The following METTL8 variants were observed in gnomAD, a reference collection of about 807,000 sequenced individuals.
METTL8 encodes methyltransferase 8, tRNA N3-cytidine.
In METTL8, 32 loss-of-function variants were observed where a neutral mutation model predicts 48.7. The ratio of observed to expected loss-of-function variants is 0.66; its 90% CI spans 0.50 to 0.88. The LOEUF (loss-of-function observed/expected upper bound fraction) is 0.88, where lower values mean the gene tolerates loss of function less well. Ranked by LOEUF, METTL8 falls within the 40% of genes least tolerant of loss-of-function variation. The pLI, the probability that METTL8 is intolerant of heterozygous loss-of-function variation, is 0.00. For missense variants in METTL8, 464 were observed against 474.4 expected, an observed-to-expected ratio of 0.98 and a Z score of 0.20; for synonymous variants, 136 against 157.1, an observed-to-expected ratio of 0.87 and a Z score of 1.01.
intron 1 of METTL8, among the ~76,000 whole-genome samples, chr2:171,394,569 T>C (rs189879105): frequency 6.6e-6 from 1 of 152,272 alleles, no homozygotes; most frequent in East Asian, 1.9e-4. Context: ...GGTCTAAATA[T>C]GTGGCAATTT....
intron 3 of METTL8, among the ~76,000 whole-genome samples, chr2:171,340,252 C>T (rs1408113620): frequency 6.7e-6 from 1 of 148,968 alleles, no homozygotes; most frequent in African/African-American, 2.5e-5. Flanking sequence ...CCTGTAATCC[C>T]AGCACTTTGG....
At chr2:171,366,955 A>G (rs1454721552) in intron 2 of METTL8, among the ~76,000 whole-genome samples, 3 of 152,110 alleles carry the variant, frequency 2.0e-5, no homozygotes, top group South Asian at 2.1e-4. Context: ...TGGGTCAGTA[A>G]ACTTAATGAC....
chr2:171,377,563 A>G (rs1298709865), intron 2 of METTL8, among the ~76,000 whole-genome samples: 1 of 152,198 alleles, frequency 6.6e-6, no homozygotes, highest in Non-Finnish European at 1.5e-5. Flanking sequence ...TCCTGTCAAA[A>G]AGTGAGCAAA....
intron 1 of METTL8, among the ~76,000 whole-genome samples, chr2:171,398,065 G>T (rs2105583963): frequency 6.6e-6 from 1 of 152,214 alleles, no homozygotes; most frequent in South Asian, 2.1e-4. Context: ...TGATACAGCA[G>T]CTATGAAAAA....
chr2:171,426,231 G>C (rs1257072174), intron 1 of METTL8, among the ~76,000 whole-genome samples: 1 of 152,004 alleles, frequency 6.6e-6, no homozygotes, highest in African/African-American at 2.4e-5. Flanking sequence ...TAAATTAATT[G>C]TAATAAATTT....
At chr2:171,375,315 T>C in intron 2 of METTL8, 1 of 749,522 alleles carries the variant, frequency 1.3e-6, no homozygotes, top group Non-Finnish European at 2.4e-6. Flanking sequence ...GTTTATCTTT[T>C]AAAGAAACTG....
intron 5 of METTL8, among the ~76,000 whole-genome samples, chr2:171,335,065 G>A (rs1269641104): frequency 6.6e-6 from 1 of 152,150 alleles, no homozygotes; most frequent in East Asian, 1.9e-4. Flanking sequence ...AGAGACCACT[G>A]GGGTAAAGGA....
At position 171,316,818 on chromosome 2, in the gene METTL8, T is replaced by C. The variant is rs928873965; in HGVS notation, c.*7354A>G. 2.0e-4 allele frequency among the ~76,000 whole-genome samples: 30 copies of C among 152,248 alleles called. No homozygotes were observed. Among genetic ancestry groups the C allele is most frequent in the African/African-American group, 7.2e-4 (30 of 41,466 alleles). ...TTTCTTGTTTCAATGCAGCATGTGA[T>C]ACTGGCAATTTCAGCCATTCTCTTT... On this transcript the variant is annotated 3_prime_UTR_variant, in exon 10 of 10. Transcript: ENST00000375258.
At position 171,393,312 on chromosome 2, in the gene METTL8, G is replaced by A. The variant is rs1688757901; in HGVS notation, c.-12-1115C>T. Among the ~76,000 whole-genome samples the A allele has an allele frequency of 2.0e-5, 3 of 150,326 alleles. No individual in the cohort carries two copies. The South Asian group carries it at 6.3e-4, about 31-fold the overall frequency. On this transcript the variant is annotated intron_variant, in intron 1 of 9. Transcript: ENST00000375258. ...CACATCTGTGGTTCCAGCTACACGA[G>A]AGGCCAAGCCTAGAGGCTGAAGCTG...
intron 5 of METTL8, among the ~76,000 whole-genome samples, chr2:171,336,348 G>C (rs1403190325): frequency 2.0e-5 from 3 of 148,398 alleles, no homozygotes; most frequent in African/African-American, 7.5e-5. Flanking sequence ...GCCCGCCTTG[G>C]CCTCCCAAAG....
At chr2:171,341,040 AAAGT>A (rs1180496243) in intron 3 of METTL8, among the ~76,000 whole-genome samples, 1 of 151,576 alleles carries the variant, frequency 6.6e-6, no homozygotes, top group Admixed American at 6.6e-5. Flanking sequence ...TTAAATTAAT[AAAGT>A]AAGGGCCGGG....
intron 2 of METTL8, among the ~76,000 whole-genome samples, chr2:171,369,876 A>G (rs1258805754): frequency 4.6e-5 from 7 of 151,980 alleles, no homozygotes; most frequent in Non-Finnish European, 1.0e-4. Context: ...GACCAGTCTG[A>G]CCAACATGGT....
intron 3 of METTL8, among the ~76,000 whole-genome samples, chr2:171,356,606 C>T (rs1294894246): frequency 6.6e-6 from 1 of 152,080 alleles, no homozygotes; most frequent in East Asian, 1.9e-4. Flanking sequence ...AATCTATTCT[C>T]TATTTTCATA....
rs779945425 is a variant in METTL8, at chr2:171,360,514, C to G, written c.144-1G>C. 1 of 1,607,124 alleles carries G rather than the reference C, an allele frequency of 6.2e-7. No individual in the cohort carries two copies. Among genetic ancestry groups the G allele is most frequent in the African/African-American group, 1.3e-5 (1 of 74,378 alleles). ...TTCCTTAGACCACTGCATGTGATCC[C>G]TATTAAAAAAAAATAGACTGTAAAA... On this transcript the variant is annotated splice_acceptor_variant, in intron 2 of 9. Coordinates refer to ENST00000375258, the MANE Select transcript of METTL8 (RefSeq NM_001321154.2). LOFTEE classifies it high-confidence loss of function.
intron 3 of METTL8, among the ~76,000 whole-genome samples, chr2:171,356,568 C>T (rs1290784252): frequency 2.0e-5 from 3 of 152,092 alleles, no homozygotes; most frequent in South Asian, 2.1e-4. Context: ...CTTCACCCCC[C>T]ACCCCTTCCT....
At chr2:171,396,974 C>G (rs999361310) in intron 1 of METTL8, among the ~76,000 whole-genome samples, 20 of 150,892 alleles carry the variant, frequency 1.3e-4, no homozygotes, top group Non-Finnish European at 1.2e-4. Context: ...CAGGCATGTA[C>G]CACCACACCT....
intron 2 of METTL8, among the ~76,000 whole-genome samples, chr2:171,374,003 C>CAA (rs1686669510): frequency 6.6e-6 from 1 of 152,114 alleles, no homozygotes; most frequent in Admixed American, 6.6e-5. Context: ...GTAGTTTTTT[C>CAA]CAATTCTGTG....
At chr2:171,402,989 T>C (rs1689792910) in intron 1 of METTL8, among the ~76,000 whole-genome samples, 1 of 152,138 alleles carries the variant, frequency 6.6e-6, no homozygotes, top group Admixed American at 6.6e-5. Flanking sequence ...ATAAAATAAA[T>C]ATCCATGTAT....
chr2:171,422,975 T>TC, intron 1 of METTL8, among the ~76,000 whole-genome samples: 1 of 152,300 alleles, frequency 6.6e-6, no homozygotes, highest in East Asian at 1.9e-4. Flanking sequence ...TCCCATAATC[T>TC]CCACATGTTG....
Sources: allele counts gnomAD v4.1 joint callset (sites outside exome capture counted in the v4.1 genomes callset), GRCh38; gene constraint gnomAD v4.1.1; transcripts MANE v1.5; gene names NCBI Gene and HGNC (gene_info 2026-07-23, HGNC 2026-07-21).